The following PDE4D variants were observed in gnomAD, a reference collection of about 807,000 sequenced individuals.
PDE4D encodes the protein 3',5'-cyclic-AMP phosphodiesterase 4D.
PDE4D carries 24 observed loss-of-function variants against 87.4 expected under a neutral mutation model. The ratio of observed to expected loss-of-function variants is 0.27; its 90% confidence interval spans 0.20 to 0.39. The LOEUF is 0.39. PDE4D is among the 10% of genes least tolerant of loss of function. PDE4D has a pLI of 1.00. For missense variants in PDE4D, 714 were observed against 1,041.0 expected (o/e 0.69, Z 4.32); for synonymous variants, 384 against 383.2 (o/e 1.00, Z -0.02).
chr5:60,520,399 A>C (rs892151587), intron 1 of PDE4D, among the ~76,000 whole-genome samples: 19 of 152,290 alleles, frequency 1.2e-4, no homozygotes, highest in African/African-American at 4.3e-4. Flanking sequence ...TTTGCCTGGG[A>C]GTGAGACTTC....
At chr5:60,284,637 C>A (rs1363912800) in intron 1 of PDE4D, among the ~76,000 whole-genome samples, 1 of 152,114 alleles carries the variant, frequency 6.6e-6, no homozygotes, top group Non-Finnish European at 1.5e-5. Context: ...AACAGGACAG[C>A]CTCCCCATCA....
intron 7 of PDE4D, among the ~76,000 whole-genome samples, chr5:58,992,263 T>C (rs893270731): frequency 1.3e-5 from 2 of 152,118 alleles, no homozygotes; most frequent in African/African-American, 4.8e-5. Context: ...TGATACAATG[T>C]CCTAATAAAA....
At chr5:59,796,211 A>C (rs962191050) in intron 1 of PDE4D, among the ~76,000 whole-genome samples, 4 of 152,220 alleles carry the variant, frequency 2.6e-5, no homozygotes, top group Non-Finnish European at 5.9e-5. Context: ...AGATTATAGG[A>C]GTCACTGAAT....
intron 1 of PDE4D, among the ~76,000 whole-genome samples, chr5:59,331,083 T>C (rs1776647693): frequency 6.6e-6 from 1 of 152,202 alleles, no homozygotes; most frequent in South Asian, 2.1e-4. Context: ...GTCAACTATG[T>C]TACACCTATA....
chr5:59,762,131 TATATAG>T (rs1318125294), intron 1 of PDE4D, among the ~76,000 whole-genome samples: 2 of 151,888 alleles, frequency 1.3e-5, no homozygotes, highest in Non-Finnish European at 2.9e-5. Flanking sequence ...TATATGTAGG[TATATAG>T]ATATATATAT....
At chr5:60,219,647 T>C (rs1050479840) in intron 1 of PDE4D, among the ~76,000 whole-genome samples, 1 of 152,174 alleles carries the variant, frequency 6.6e-6, no homozygotes, top group Non-Finnish European at 1.5e-5. Flanking sequence ...CATTGAAATA[T>C]TGGCATGGTT....
At chr5:60,313,453 C>T (rs993694025) in intron 1 of PDE4D, among the ~76,000 whole-genome samples, 8 of 152,094 alleles carry the variant, frequency 5.3e-5, no homozygotes, top group African/African-American at 1.9e-4. Context: ...CACCTACCAA[C>T]CAGAAAAAGC....
intron 5 of PDE4D, among the ~76,000 whole-genome samples, chr5:59,172,058 T>A (rs1314965571): frequency 2.9e-4 from 1 of 3,432 alleles, no homozygotes; most frequent in African/African-American, 1.8e-3. Context: ...TATATATATA[T>A]TATATATATA....
At chr5:59,206,732 T>C (rs1394837924) in intron 2 of PDE4D, among the ~76,000 whole-genome samples, 1 of 152,194 alleles carries the variant, frequency 6.6e-6, no homozygotes, top group African/African-American at 2.4e-5. Context: ...CTACTGTTAT[T>C]TTCCAAACGA....
chr5:60,493,958 G>A (rs1442830794), intron 1 of PDE4D, among the ~76,000 whole-genome samples: 3 of 152,122 alleles, frequency 2.0e-5, no homozygotes, highest in African/African-American at 7.2e-5. Context: ...GATGTTTTCA[G>A]TTTAACAAAA....
At chr5:60,193,494 C>A (rs1351791384) in intron 1 of PDE4D, among the ~76,000 whole-genome samples, 2 of 151,400 alleles carry the variant, frequency 1.3e-5, no homozygotes, top group East Asian at 1.9e-4. Context: ...CAAGATGAAA[C>A]CCCGTCTCTA....
intron 1 of PDE4D, among the ~76,000 whole-genome samples, chr5:59,405,205 T>C (rs887812196): frequency 3.3e-5 from 5 of 152,208 alleles, no homozygotes; most frequent in Admixed American, 6.5e-5. Context: ...ATTCTTCCAA[T>C]CCATGAACAT....
intron 5 of PDE4D, among the ~76,000 whole-genome samples, chr5:59,043,212 TA>T (rs1008097595): frequency 2.7e-4 from 41 of 150,696 alleles, no homozygotes; most frequent in Middle Eastern, 3.4e-3. Flanking sequence ...GCCCTTAATT[TA>T]AAAAAAAAAT....
At chr5:59,183,008 A>G (rs1043078121) in intron 4 of PDE4D, among the ~76,000 whole-genome samples, 3 of 152,166 alleles carry the variant, frequency 2.0e-5, no homozygotes, top group Non-Finnish European at 2.9e-5. Flanking sequence ...AAATCCAAGG[A>G]TGAGCTTGGA....
chr5:59,932,254 G>A (rs546548327), intron 3 of PDE4D, among the ~76,000 whole-genome samples: 4 of 152,248 alleles, frequency 2.6e-5, no homozygotes, highest in South Asian at 2.1e-4. Context: ...AACAGATAAT[G>A]TATTGAGCAC....
intron 2 of PDE4D, among the ~76,000 whole-genome samples, chr5:60,092,783 T>G (rs1483994903): frequency 6.6e-6 from 1 of 152,212 alleles, no homozygotes; most frequent in Non-Finnish European, 1.5e-5. Context: ...ATGCCAGATT[T>G]ATTTGTGTGA....
At chr5:59,571,846 G>A (rs1281899257) in intron 1 of PDE4D, among the ~76,000 whole-genome samples, 2 of 152,056 alleles carry the variant, frequency 1.3e-5, no homozygotes, top group African/African-American at 4.8e-5. Flanking sequence ...TAGTTTTAGG[G>A]GGATAATATA....
intron 1 of PDE4D, 59 bp downstream of exon 1, chr5:59,893,109 T>C: frequency 6.8e-7 from 1 of 1,480,096 alleles, no homozygotes; most frequent in Non-Finnish European, 9.1e-7. Flanking sequence ...AGATGGAGTA[T>C]TTGAGAAAAG....
At chr5:59,679,337 C>T (rs914945169) in intron 1 of PDE4D, among the ~76,000 whole-genome samples, 1 of 152,134 alleles carries the variant, frequency 6.6e-6, no homozygotes, top group South Asian at 2.1e-4. Context: ...CTTGGTACAA[C>T]AAAACTCTTC....
Sources: allele counts gnomAD v4.1 joint callset (sites outside exome capture counted in the v4.1 genomes callset), GRCh38; gene constraint gnomAD v4.1.1; transcripts MANE v1.5; gene names NCBI Gene and HGNC (gene_info 2026-07-23, HGNC 2026-07-21).